Variants in TLE2 observed in about 807,000 individuals in gnomAD.
TLE2 encodes the protein transducin-like enhancer protein 2.
A neutral mutation model predicts 97.2 loss-of-function variants in TLE2; 74 were observed. That is an observed-to-expected ratio of 0.76 (90% CI 0.63 to 0.92). The LOEUF is 0.92. Ranked by LOEUF, TLE2 falls within the 40% of genes least tolerant of loss-of-function variation. TLE2 has a pLI of 0.00. For missense variants in TLE2, 1,038 were observed against 1,008.7 expected (o/e 1.03, Z -0.39); for synonymous variants, 499 against 432.1 (o/e 1.15, Z -1.92).
intron 10 of TLE2, among the ~76,000 whole-genome samples, chr19:3,014,191 A>G (rs967825599): frequency 3.9e-5 from 6 of 152,150 alleles, no homozygotes; most frequent in African/African-American, 1.4e-4. Flanking sequence ...AAGTGCTGGG[A>G]TCACAGGTGT....
intron 19 of TLE2, among the ~76,000 whole-genome samples, chr19:2,998,768 A>C (rs2089284693): frequency 6.6e-6 from 1 of 152,178 alleles, no homozygotes; most frequent in Non-Finnish European, 1.5e-5. Context: ...TGGGCAGAAC[A>C]GGGCCTCCAT....
At position 3,001,940 on chromosome 19, in the gene TLE2, G is replaced by A. The variant is rs966799002; in HGVS notation, c.2047+413C>T. ...AACCTCCCAAGTAGCTGGGATTACAGGCGCCCACCACCACGCCTGGCTAAT... is the reference window on the plus strand; with the variant it reads ...AACCTCCCAAGTAGCTGGGATTACAAGCGCCCACCACCACGCCTGGCTAAT... On this transcript the variant is annotated intron_variant, in intron 18 of 19. Transcript: ENST00000262953. Among the ~76,000 whole-genome samples the A allele has an allele frequency of 3.3e-5, 5 of 151,858 alleles. No individual in the cohort carries two copies. The East Asian group carries it at 7.7e-4, about 23-fold the overall frequency.
intron 19 of TLE2, among the ~76,000 whole-genome samples, chr19:2,998,896 C>G (rs1315011437): frequency 6.6e-6 from 1 of 152,196 alleles, no homozygotes; most frequent in Non-Finnish European, 1.5e-5. Context: ...TGGCTTAGAC[C>G]AGGGATCAGC....
intron 8 of TLE2, 99 bp from the exon 9 acceptor site, chr19:3,015,859 A>G: frequency 1.1e-6 from 1 of 893,070 alleles, no homozygotes; most frequent in East Asian, 2.6e-5. Context: ...CACCATTATT[A>G]GGGTCCGGAC....
At chr19:3,044,338 G>A (rs1171867711) in intron 1 of TLE2, among the ~76,000 whole-genome samples, 1 of 152,064 alleles carries the variant, frequency 6.6e-6, no homozygotes, top group Admixed American at 6.6e-5. Context: ...ACCATCCATG[G>A]CTCCCTATGC....
intron 11 of TLE2, among the ~76,000 whole-genome samples, chr19:3,013,098 G>T (rs929131850): frequency 6.6e-6 from 1 of 152,158 alleles, no homozygotes; most frequent in African/African-American, 2.4e-5. Flanking sequence ...CTCTTCCCTG[G>T]TAAGTGTAGG....
chr19:3,021,123 G>A (rs867864464), intron 5 of TLE2, among the ~76,000 whole-genome samples: 2 of 112,838 alleles, frequency 1.8e-5, no homozygotes, highest in African/African-American at 3.7e-5. Context: ...AAGGGGGGGG[G>A]GTGCTGAGCG....
chr19:2,998,237 ATGTGTGTGTGTGTG>A lies in TLE2; in HGVS notation c.2125-296_2125-283del, dbSNP rs56398458. ...AGGCGCCCGCAACCACGCCCGGCCA[ATGTGTGTGTGTGTG>A]TGTGTGTGTGTGTGTGTGTGTGTGT... On this transcript the variant is annotated intron_variant, in intron 19 of 19. Transcript: ENST00000262953. Among the ~76,000 whole-genome samples, 265 of 121,422 alleles carry A rather than the reference ATGTGTGTGTGTGTG, an allele frequency of 2.2e-3. 1 individual carries two copies. The highest frequency in any genetic ancestry group is 3.0e-3 in the African/African-American group (85 of 28,272). 79.7% of individuals were successfully genotyped at this position (121,422 alleles called of 152,430 possible). A position where few individuals can be genotyped will look rare whatever the true frequency, so the allele number is the denominator to read the frequency against.
intron 4 of TLE2, among the ~76,000 whole-genome samples, chr19:3,025,987 C>T (rs973970987): frequency 2.0e-5 from 3 of 152,096 alleles, no homozygotes; most frequent in Non-Finnish European, 4.4e-5. Context: ...TCCCAGCCAC[C>T]GGGAAGTCCC....
At chr19:3,047,169 C>G (rs1172494700), upstream of TLE2, among the ~76,000 whole-genome samples, 2 of 92,968 alleles carry the variant, frequency 2.2e-5, no homozygotes, top group Admixed American at 2.1e-4. Context: ...CTCCCCTCCC[C>G]CTACCCTCCC....
At chr19:3,043,228 G>A (rs912014017) in intron 1 of TLE2, among the ~76,000 whole-genome samples, 3 of 151,716 alleles carry the variant, frequency 2.0e-5, no homozygotes, top group East Asian at 1.9e-4. Context: ...CAATCCTCCC[G>A]CCTCAGCCTC....
At chr19:3,024,977 C>T in intron 5 of TLE2, 43 bp downstream of exon 5, 3 of 1,520,716 alleles carry the variant, frequency 2.0e-6, no homozygotes, top group Admixed American at 2.0e-5. Flanking sequence ...CCGTCTTCTT[C>T]CGGCTCCCTT....
At position 3,002,457 on chromosome 19, in the gene TLE2, C is replaced by G. The variant is rs2089383710; in HGVS notation, c.1943G>C (p.Gly648Ala). ...GATCTCCACGTTGCTACTCTCCATTCCGACCGCCAGCCAGTCCTGGTTAGG... is the reference window on the plus strand; with the variant it reads ...GATCTCCACGTTGCTACTCTCCATTGCGACCGCCAGCCAGTCCTGGTTAGG... ...HCPNQDWLAV[G>A]MESSNVEILH... The change falls in exon 18 of 20, where the codon GGA becomes GCA. Residue 648 changes from glycine to alanine, a missense_variant. By Grantham distance (60) the Gly-to-Ala change is moderately conservative (BLOSUM62 0). Coordinates refer to ENST00000262953, the MANE Select transcript of TLE2 (RefSeq NM_003260.5). 1 of 1,603,466 alleles carries G rather than the reference C, an allele frequency of 6.2e-7. No individual in the cohort carries two copies. The highest frequency in any genetic ancestry group is 1.1e-5 in the South Asian group (1 of 89,870).
Position 3,045,682 on chromosome 19 carries a change from T to C in TLE2, c.63+44A>G. The C allele has an allele frequency of 2.4e-6, 1 of 417,786 alleles. No homozygotes were observed. Among genetic ancestry groups the C allele is most frequent in the Non-Finnish European group, 4.9e-6 (1 of 202,822 alleles). The allele number at this position is 417,786 out of a possible 1,614,324, so 25.9% of individuals were successfully genotyped here. Reference sequence around the variant, plus strand: ...CCCCGTCTCTACTAAAAATACAAAATTAACCAGGTGTGGTGGCGGGCGCCT... The same window carrying C: ...CCCCGTCTCTACTAAAAATACAAAACTAACCAGGTGTGGTGGCGGGCGCCT... On this transcript the variant is annotated intron_variant, in intron 1 of 18. Transcript: ENST00000426948.
chr19:3,009,886 TC>T (rs200897900), intron 12 of TLE2, among the ~76,000 whole-genome samples, 184 bp from the exon 13 acceptor site: 2 of 15,364 alleles, frequency 1.3e-4, no homozygotes, highest in African/African-American at 6.4e-4. Flanking sequence ...TTTCTCTCTC[TC>T]TTTTTTTCTT....
At chr19:3,022,949 T>A (rs2089873734) in intron 5 of TLE2, among the ~76,000 whole-genome samples, 1 of 152,178 alleles carries the variant, frequency 6.6e-6, no homozygotes, top group Non-Finnish European at 1.5e-5. Context: ...AATAAAACTT[T>A]ATTTGCAAAA....
chr19:3,028,603 C>A (rs956791266), intron 2 of TLE2, 103 bp downstream of exon 2: 2 of 1,373,408 alleles, frequency 1.5e-6, no homozygotes, highest in Non-Finnish European at 2.0e-6. Flanking sequence ...GTCGCGCCCC[C>A]CCTCCAACCG....
intron 5 of TLE2, among the ~76,000 whole-genome samples, chr19:3,020,853 A>C (rs946114904): frequency 6.6e-6 from 1 of 152,082 alleles, no homozygotes; most frequent in Non-Finnish European, 1.5e-5. Context: ...TGGGAGGCCA[A>C]GGCAGGTGGA....
intron 1 of TLE2, among the ~76,000 whole-genome samples, chr19:3,045,197 A>G (rs1246561858): frequency 6.6e-6 from 1 of 152,232 alleles, no homozygotes; most frequent in Non-Finnish European, 1.5e-5. Flanking sequence ...CTGGTTGCCC[A>G]GGTGAGACCT....
Sources: allele counts gnomAD v4.1 joint callset (sites outside exome capture counted in the v4.1 genomes callset), GRCh38; gene constraint gnomAD v4.1.1; transcripts MANE v1.5; gene names NCBI Gene and HGNC (gene_info 2026-07-23, HGNC 2026-07-21).